The following CD8B2 variants were observed in gnomAD, a reference collection of about 807,000 sequenced individuals.
CD8B2 encodes the protein CD8B family member 2.
A neutral mutation model predicts 23.7 loss-of-function variants in CD8B2; 11 were observed. The observed-to-expected ratio is 0.46, with a 90% CI of 0.29 to 0.77. The LOEUF (loss-of-function observed/expected upper bound fraction) is 0.77, where lower values mean the gene tolerates loss of function less well. Ranked by LOEUF, CD8B2 falls within the 30% of genes least tolerant of loss-of-function variation. The pLI is 0.09. For missense variants in CD8B2, 197 were observed against 270.5 expected, an observed-to-expected ratio of 0.73 and a Z score of 1.91; for synonymous variants, 90 against 109.3, an observed-to-expected ratio of 0.82 and a Z score of 1.10.
At chr2:106,500,967 T>A (rs1166785379) in intron 3 of CD8B2, among the ~76,000 whole-genome samples, 1 of 152,180 alleles carries the variant, frequency 6.6e-6, no homozygotes, top group Non-Finnish European at 1.5e-5. Context: ...TTCCCCCACT[T>A]GACTGGCAAA....
chr2:106,487,565 T>C, intron 1 of CD8B2, 96 bp downstream of exon 1: 1 of 744,018 alleles, frequency 1.3e-6, no homozygotes, highest in Non-Finnish European at 1.8e-6. Context: ...CCTGGCAGGG[T>C]GCAGCGTCGA....
At chr2:106,523,080 A>T (rs1031476948) in intron 5 of CD8B2, among the ~76,000 whole-genome samples, 1 of 152,206 alleles carries the variant, frequency 6.6e-6, no homozygotes, top group African/African-American at 2.4e-5. Context: ...ACTCAAACCC[A>T]ACTGGCAAGG....
chr2:106,501,047 G>T (rs1373438034), intron 3 of CD8B2, among the ~76,000 whole-genome samples: 2 of 152,214 alleles, frequency 1.3e-5, no homozygotes, highest in African/African-American at 4.8e-5. Flanking sequence ...GGAAGTCAGT[G>T]CCGCCTTTTA....
chr2:106,494,583 C>G (rs2104552093), intron 2 of CD8B2, among the ~76,000 whole-genome samples: 2 of 152,074 alleles, frequency 1.3e-5, no homozygotes, highest in Non-Finnish European at 2.9e-5. Flanking sequence ...TTCCTTAACC[C>G]ACAAAGGCAA....
In CD8B2 at chr2:106,488,007, C is replaced by T. The variant is rs1191060823; in HGVS notation, c.43+538C>T. ...GGCTGGTGTTGGGTGTCATGGGTAG[C>T]GTGGCTCCCTAGGAAGCAGCCTGGA... On this transcript the variant is annotated intron_variant, in intron 1 of 5. Transcript: ENST00000643224. 2.0e-5 allele frequency among the ~76,000 whole-genome samples: 3 copies of T among 151,952 alleles called. No individual in the cohort carries two copies. In the East Asian group the frequency reaches 5.8e-4, roughly 29 times the overall value.
At chr2:106,501,698 C>G (rs551589411) in intron 3 of CD8B2, among the ~76,000 whole-genome samples, 8 of 152,014 alleles carry the variant, frequency 5.3e-5, no homozygotes, top group Non-Finnish European at 1.0e-4. Context: ...AACAAACAAA[C>G]AAACGAACAA....
chr2:106,506,674 A>G (rs1045241080), intron 5 of CD8B2, among the ~76,000 whole-genome samples: 9 of 150,236 alleles, frequency 6.0e-5, no homozygotes, highest in African/African-American at 2.2e-4. Context: ...AGATTATTTT[A>G]GAGGTACTAC....
chr2:106,515,705 G>A (rs1679718084), downstream of CD8B2, among the ~76,000 whole-genome samples: 1 of 152,164 alleles, frequency 6.6e-6, no homozygotes, highest in Admixed American at 6.5e-5. Flanking sequence ...ACTTCTCTCA[G>A]GAATCTTTCT....
intron 5 of CD8B2, among the ~76,000 whole-genome samples, chr2:106,520,488 T>C (rs1245887093): frequency 6.6e-6 from 1 of 152,202 alleles, no homozygotes; most frequent in Non-Finnish European, 1.5e-5. Context: ...ATGGCCTGGC[T>C]GTCTTTCAAG....
intron 5 of CD8B2, among the ~76,000 whole-genome samples, chr2:106,525,810 C>A (rs1220108570): frequency 6.6e-6 from 1 of 152,304 alleles, no homozygotes; most frequent in Non-Finnish European, 1.5e-5. Context: ...CAATAACCAG[C>A]ACCTCCTTTT....
At chr2:106,527,934 T>G (rs1679937654) in intron 5 of CD8B2, among the ~76,000 whole-genome samples, 1 of 152,174 alleles carries the variant, frequency 6.6e-6, no homozygotes, top group Non-Finnish European at 1.5e-5. Flanking sequence ...GTTTCATGGC[T>G]CAATGCAATT....
At chr2:106,493,064 G>C (rs1034830841) in intron 2 of CD8B2, among the ~76,000 whole-genome samples, 1 of 152,044 alleles carries the variant, frequency 6.6e-6, no homozygotes, top group Non-Finnish European at 1.5e-5. Context: ...CCTGACTTCA[G>C]TGTTTCCAAA....
intron 5 of CD8B2, among the ~76,000 whole-genome samples, chr2:106,525,556 T>A (rs1164433710): frequency 6.6e-6 from 1 of 152,194 alleles, no homozygotes; most frequent in Non-Finnish European, 1.5e-5. Context: ...GCCATTGCCA[T>A]TATAGATAGT....
intron 5 of CD8B2, chr2:106,522,141 C>G (rs1316186456): frequency 1.3e-5 from 2 of 152,218 alleles, no homozygotes; most frequent in African/African-American, 4.8e-5. Flanking sequence ...CCTCCTTCAC[C>G]TGCTGATGAT....
chr2:106,525,145 A>G (rs1463892287), intron 5 of CD8B2, among the ~76,000 whole-genome samples: 1 of 152,176 alleles, frequency 6.6e-6, no homozygotes, highest in African/African-American at 2.4e-5. Context: ...GATTTTGCTC[A>G]GTGGAGTCTC....
intron 2 of CD8B2, among the ~76,000 whole-genome samples, chr2:106,494,555 C>T (rs1679263272): frequency 6.6e-6 from 1 of 151,748 alleles, no homozygotes; most frequent in African/African-American, 2.4e-5. Context: ...TGGAGAAAAT[C>T]AGTGCAGAGA....
At chr2:106,493,690 A>C (rs924820051) in intron 2 of CD8B2, among the ~76,000 whole-genome samples, 20 of 152,200 alleles carry the variant, frequency 1.3e-4, no homozygotes, top group Non-Finnish European at 2.5e-4. Context: ...CCTTGGGTGC[A>C]CCTAAAGTGT....
At chr2:106,501,293 A>G (rs1679399974) in intron 3 of CD8B2, among the ~76,000 whole-genome samples, 1 of 151,922 alleles carries the variant, frequency 6.6e-6, no homozygotes, top group Non-Finnish European at 1.5e-5. Flanking sequence ...GAAAGAACAC[A>G]TTGACTAAGT....
chr2:106,521,068 G>GAT (rs1679819514), intron 5 of CD8B2, among the ~76,000 whole-genome samples: 1 of 142,772 alleles, frequency 7.0e-6, no homozygotes, highest in African/African-American at 2.6e-5. Context: ...GACAGAGAGA[G>GAT]AGACAGATGC....
Sources: allele counts gnomAD v4.1 joint callset (sites outside exome capture counted in the v4.1 genomes callset), GRCh38; gene constraint gnomAD v4.1.1; transcripts MANE v1.5; gene names NCBI Gene and HGNC (gene_info 2026-07-23, HGNC 2026-07-21).